The following MCMDC2 variants were observed in gnomAD, a reference collection of about 807,000 sequenced individuals.
MCMDC2 encodes minichromosome maintenance domain-containing protein 2.
In MCMDC2, 54 loss-of-function variants were observed where a neutral mutation model predicts 75.8. That is an observed-to-expected ratio of 0.71 (90% CI 0.57 to 0.89). The LOEUF is 0.89. Ranked by LOEUF, MCMDC2 falls within the 40% of genes least tolerant of loss-of-function variation. The pLI, the probability that MCMDC2 is intolerant of heterozygous loss-of-function variation, is 0.00. For synonymous variants in MCMDC2, 249 were observed against 274.6 expected, an observed-to-expected ratio of 0.91 and a Z score of 0.92; for missense variants, 656 against 780.4, an observed-to-expected ratio of 0.84 and a Z score of 1.90.
chr8:66,889,175 T>C (rs1467116450), intron 9 of MCMDC2, among the ~76,000 whole-genome samples: 1 of 152,232 alleles, frequency 6.6e-6, no homozygotes, highest in Non-Finnish European at 1.5e-5. Flanking sequence ...CACATGTCTA[T>C]GTCTACTCAT....
chr8:66,901,094 T>A (rs1812635695), intron 12 of MCMDC2, 112 bp from the exon 13 acceptor site: 1 of 744,468 alleles, frequency 1.3e-6, no homozygotes, highest in South Asian at 1.8e-5. Context: ...TACTCTTTTT[T>A]ATGTAATAAA....
At chr8:66,895,160 A>T (rs1812287047) in intron 10 of MCMDC2, among the ~76,000 whole-genome samples, 1 of 152,222 alleles carries the variant, frequency 6.6e-6, no homozygotes, top group Non-Finnish European at 1.5e-5. Flanking sequence ...ATAATAGTCA[A>T]TACAATGTAA....
chr8:66,895,996 T>TA (rs1812333742), intron 10 of MCMDC2, among the ~76,000 whole-genome samples, 174 bp from the exon 11 acceptor site: 1 of 152,194 alleles, frequency 6.6e-6, no homozygotes, highest in Admixed American at 6.5e-5. Flanking sequence ...AGGCTTCAAA[T>TA]ACATATTTTT....
chr8:66,870,931 T>A, intron 1 of MCMDC2, 100 bp downstream of exon 1: 1 of 152,408 alleles, frequency 6.6e-6, no homozygotes, highest in East Asian at 1.9e-4. Flanking sequence ...TCATCCGCTT[T>A]GGTTGTGAAG....
downstream of MCMDC2, chr8:66,922,127 G>A (rs1813564565): frequency 6.5e-6 from 1 of 153,864 alleles, no homozygotes; most frequent in South Asian, 2.0e-4. Context: ...CCAAAACAAA[G>A]TCAGAAACCA....
At chr8:66,918,472 T>C (rs1381400291) in intron 14 of MCMDC2, among the ~76,000 whole-genome samples, 1 of 152,216 alleles carries the variant, frequency 6.6e-6, no homozygotes, top group Non-Finnish European at 1.5e-5. Flanking sequence ...TAGAATGGTC[T>C]TGAAACCCTT....
chr8:66,882,988 T>TAA (rs1182300463), intron 8 of MCMDC2, among the ~76,000 whole-genome samples: 1 of 152,206 alleles, frequency 6.6e-6, no homozygotes, highest in African/African-American at 2.4e-5. Flanking sequence ...AGAGCTGGAC[T>TAA]AAAGTAGGCC....
At chr8:66,894,699 CTTTA>C (rs1452311896) in intron 10 of MCMDC2, among the ~76,000 whole-genome samples, 1 of 151,994 alleles carries the variant, frequency 6.6e-6, no homozygotes, top group African/African-American at 2.4e-5. Flanking sequence ...TTTAATTTTT[CTTTA>C]TTTAGAATGG....
At chr8:66,880,251 G>GTAA (rs1811495909) in intron 7 of MCMDC2, among the ~76,000 whole-genome samples, 1 of 152,126 alleles carries the variant, frequency 6.6e-6, no homozygotes, top group Non-Finnish European at 1.5e-5. Context: ...CTTACATGCT[G>GTAA]GGCATGGTGG....
In MCMDC2 at chr8:66,919,597, C is replaced by T. The variant is rs1813441523; in HGVS notation, c.*428C>T. 1 of 152,560 alleles carries T rather than the reference C, an allele frequency of 6.6e-6. No homozygotes were observed. Among genetic ancestry groups the T allele is most frequent in the Non-Finnish European group, 1.5e-5 (1 of 68,356 alleles). 9.5% of individuals were successfully genotyped at this position (152,560 alleles called of 1,614,324 possible). A position where few individuals can be genotyped will look rare whatever the true frequency, so the allele number is the denominator to read the frequency against. On this transcript the variant is annotated 3_prime_UTR_variant, in exon 15 of 15. Coordinates refer to ENST00000422365, the MANE Select transcript of MCMDC2 (RefSeq NM_173518.5). ...CAAATTACTCTAAAACATTTTTCTT[C>T]CACTTGTGAACTTGCTAAACTGATG... is the stretch of plus-strand genomic sequence containing the variant.
At chr8:66,892,420 T>A (rs1369142161) in intron 10 of MCMDC2, among the ~76,000 whole-genome samples, 1 of 152,172 alleles carries the variant, frequency 6.6e-6, no homozygotes, top group Admixed American at 6.5e-5. Context: ...TTGTTCCACG[T>A]CCAGGAAGAA....
At chr8:66,880,195 A>G (rs1047141144) in intron 7 of MCMDC2, among the ~76,000 whole-genome samples, 2 of 152,208 alleles carry the variant, frequency 1.3e-5, no homozygotes, top group Non-Finnish European at 2.9e-5. Context: ...TGTGCAAGCC[A>G]TGTAACCTCT....
chr8:66,902,052 G>A (rs1358332848), intron 13 of MCMDC2, among the ~76,000 whole-genome samples: 2 of 152,122 alleles, frequency 1.3e-5, no homozygotes, highest in Non-Finnish European at 2.9e-5. Context: ...CTCAGGGCTG[G>A]GTGCAGTGGG....
downstream of MCMDC2, among the ~76,000 whole-genome samples, chr8:66,923,017 G>C (rs1205458044): frequency 6.6e-6 from 1 of 152,158 alleles, no homozygotes; most frequent in Non-Finnish European, 1.5e-5. Context: ...GGAAACAGGA[G>C]CCATTAGCAC....
intron 11 of MCMDC2, 150 bp downstream of exon 11, chr8:66,896,486 A>G (rs981188569): frequency 2.6e-6 from 2 of 762,802 alleles, no homozygotes; most frequent in African/African-American, 3.6e-5. Context: ...AAAAATTGTA[A>G]TGTTTTTTAA....
chr8:66,910,822 A>T (rs1437736511), intron 14 of MCMDC2, among the ~76,000 whole-genome samples: 2 of 152,144 alleles, frequency 1.3e-5, no homozygotes, highest in Non-Finnish European at 2.9e-5. Context: ...AAAAAAAAAA[A>T]AATTACTGCC....
At chr8:66,916,047 G>C (rs1813303766) in intron 14 of MCMDC2, among the ~76,000 whole-genome samples, 1 of 152,146 alleles carries the variant, frequency 6.6e-6, no homozygotes, top group Admixed American at 6.5e-5. Context: ...TGGGAATGGA[G>C]ATGAGGCTAT....
At position 66,901,833 on chromosome 8, in the gene MCMDC2, A is replaced by G. The variant is rs191469588; in HGVS notation, c.1769+485A>G. 1.4e-4 allele frequency: 22 copies of G among 160,462 alleles called. 1 individual carries two copies. In the East Asian group the frequency reaches 4.2e-3, roughly 31 times the overall value. 9.9% of individuals were successfully genotyped at this position (160,462 alleles called of 1,614,324 possible). ...GTAGTCCCAGCTACTTGGGAGGCTG[A>G]GGCAGGAGAATTGCTTGAACCCGGG... On this transcript the variant is annotated intron_variant, in intron 13 of 14. Transcript: ENST00000422365.
intron 9 of MCMDC2, among the ~76,000 whole-genome samples, chr8:66,889,844 A>G (rs1375721478): frequency 6.6e-6 from 1 of 152,178 alleles, no homozygotes; most frequent in African/African-American, 2.4e-5. Context: ...GAGAGACTCA[A>G]ACAGAACAAA....
Sources: gnomAD v4.1 joint callset for allele counts (sites outside exome capture counted in the v4.1 genomes callset) on GRCh38, gnomAD v4.1.1 for gene constraint, MANE v1.5 for transcripts, NCBI Gene and HGNC (gene_info 2026-07-23, HGNC 2026-07-21) for gene names.